Variants in POC5 observed in about 807,000 individuals in gnomAD.
The protein encoded by POC5 is centrosomal protein POC5.
In POC5, 48 loss-of-function variants were observed where a neutral mutation model predicts 62.9. The ratio of observed to expected loss-of-function variants is 0.76; its 90% CI spans 0.61 to 0.97. The LOEUF is 0.97. Among genes scored for constraint, POC5 ranks in the 50% least tolerant of loss-of-function variants. The pLI is 0.00. For synonymous variants in POC5, 236 were observed against 228.2 expected (o/e 1.03, Z -0.31); for missense variants, 696 against 679.5 (o/e 1.02, Z -0.27).
intron 9 of POC5, among the ~76,000 whole-genome samples, chr5:75,687,374 T>C (rs1349660737): frequency 6.8e-6 from 1 of 147,804 alleles, no homozygotes. Context: ...AAAGTAATTT[T>C]TTTTTCTTAT....
chr5:75,713,089 G>C, intron 1 of POC5, 138 bp from the exon 2 acceptor site: 1 of 621,104 alleles, frequency 1.6e-6, no homozygotes. Flanking sequence ...AACATATTGA[G>C]TACCTACAGG....
In POC5 at chr5:75,710,510, T is replaced by C. The variant is rs149526254; in HGVS notation, c.84+2344A>G. Among the ~76,000 whole-genome samples the C allele has an allele frequency of 3.8e-3, 579 of 152,264 alleles. 2 individuals are homozygous for C. The highest frequency in any genetic ancestry group is 6.2e-3 in the Admixed American group (95 of 15,304). ...ATCAGAAGAGACACCAGGAACCTTG[T>C]GCATGCTCTCCTCCCACCTGCACAT... On this transcript the variant is annotated intron_variant, in intron 2 of 11. Coordinates refer to ENST00000428202, the MANE Select transcript of POC5 (RefSeq NM_001099271.2).
In POC5 at chr5:75,715,309, C is replaced by CAAA. The variant is rs922297009; in HGVS notation, c.-15+1994_-15+1996dup. On this transcript the variant is annotated intron_variant, in intron 1 of 11. Coordinates refer to ENST00000428202, the MANE Select transcript of POC5 (RefSeq NM_001099271.2). ...TGGGCGACAGAGTGAGACTCCGTCTCAAAAAAAAAAAAAAAAAAAAAGAAC... is the reference window on the plus strand; with the variant it reads ...TGGGCGACAGAGTGAGACTCCGTCTCAAAAAAAAAAAAAAAAAAAAAAAAGAAC... Among the ~76,000 whole-genome samples, 93 of 59,060 alleles carry CAAA rather than the reference C, an allele frequency of 1.6e-3. 2 individuals are homozygous for CAAA. Among genetic ancestry groups the CAAA allele is most frequent in the Middle Eastern group, 0.01 (1 of 100 alleles). 38.7% of individuals were successfully genotyped at this position (59,060 alleles called of 152,430 possible). A position where few individuals can be genotyped will look rare whatever the true frequency, so the allele number is the denominator to read the frequency against.
intron 4 of POC5, 48 bp from the exon 5 acceptor site, chr5:75,702,858 C>G (rs984201210): frequency 3.5e-6 from 5 of 1,434,854 alleles, no homozygotes; most frequent in Non-Finnish European, 4.8e-6. Context: ...GAAAATAACT[C>G]AAGTTGGTAA....
At position 75,678,027 on chromosome 5, in the gene POC5, T is replaced by C. The variant is rs1363521515; in HGVS notation, c.1408-77A>G. 5.0e-6 allele frequency: 6 copies of C among 1,194,758 alleles called. No individual in the cohort carries two copies. The South Asian group carries it at 6.0e-5, about 12-fold the overall frequency. The allele number at this position is 1,194,758 out of a possible 1,614,324, so 74.0% of individuals were successfully genotyped here. On this transcript the variant is annotated intron_variant, in intron 10 of 11. Transcript: ENST00000428202. ...CAAAATCTATTGATTCCATAAATTATGAAGAATACACAGGCACTTAAAATA... is the reference window on the plus strand; with the variant it reads ...CAAAATCTATTGATTCCATAAATTACGAAGAATACACAGGCACTTAAAATA...
intron 10 of POC5, 104 bp from the exon 11 acceptor site, chr5:75,678,054 C>T (rs2303647): frequency 0.13 from 121,585 of 925,780 alleles, 13,031 homozygotes; most frequent in African/African-American, 0.43. Context: ...CTTAAAATAA[C>T]TGTATGTTCA....
chr5:75,688,969 CTT>C (rs748310124), intron 9 of POC5, 41 bp downstream of exon 9: 9 of 1,484,850 alleles, frequency 6.1e-6, no homozygotes, highest in Non-Finnish European at 8.1e-6. Context: ...CTCCTCAAAT[CTT>C]TTTTTGAAAT....
At chr5:75,696,674 C>T (rs893695110) in intron 5 of POC5, among the ~76,000 whole-genome samples, 1 of 152,224 alleles carries the variant, frequency 6.6e-6, no homozygotes, top group Non-Finnish European at 1.5e-5. Flanking sequence ...CAAAGGATCG[C>T]AGTTCCTCAC....
chr5:75,689,362 C>G (rs1454673227), intron 8 of POC5, 197 bp from the exon 9 acceptor site: 2 of 984,680 alleles, frequency 2.0e-6, no homozygotes, highest in Non-Finnish European at 2.4e-6. Context: ...GCTTTCATTC[C>G]TAACCTTAAA....
At chr5:75,703,691 AGTTTTGCAGATACTCT>A (rs1776996659) in intron 4 of POC5, among the ~76,000 whole-genome samples, 1 of 152,174 alleles carries the variant, frequency 6.6e-6, no homozygotes. Context: ...CTCATAATTT[AGTTTTGCAGATACTCT>A]GTTGTTAAGT....
At chr5:75,677,668 GT>G in intron 11 of POC5, 105 bp downstream of exon 11, 1 of 834,062 alleles carries the variant, frequency 1.2e-6, no homozygotes. Context: ...ACAAGTACCA[GT>G]CATCATAAAT....
At chr5:75,676,195 C>T (rs1049913960) in intron 11 of POC5, among the ~76,000 whole-genome samples, 2 of 152,220 alleles carry the variant, frequency 1.3e-5, no homozygotes, top group Admixed American at 1.3e-4. Context: ...CACACATGTG[C>T]TCTCTTTACA....
intron 11 of POC5, among the ~76,000 whole-genome samples, chr5:75,676,571 T>G (rs1775662475): frequency 1.3e-5 from 2 of 152,172 alleles, no homozygotes; most frequent in Admixed American, 1.3e-4. Context: ...TTAAAATCAT[T>G]CCATATACTT....
intron 5 of POC5, among the ~76,000 whole-genome samples, chr5:75,697,512 T>C (rs1378349060): frequency 6.6e-6 from 1 of 150,796 alleles, no homozygotes; most frequent in Non-Finnish European, 1.5e-5. Context: ...AGCTGAGAGA[T>C]TTTGTCACCA....
Position 75,697,360 on chromosome 5 carries a change from A to G in POC5, c.514-2529T>C, listed in dbSNP as rs575387547. 1.1e-3 allele frequency among the ~76,000 whole-genome samples: 174 copies of G among 152,094 alleles called. 2 individuals are homozygous for G. The East Asian group carries it at 0.029, about 25-fold the overall frequency. ...CCATCAGACTAACAGCTGATCTCTC[A>G]GCAGAAACTCTACAAGCCAGAAGAG... On this transcript the variant is annotated intron_variant, in intron 5 of 11. Transcript: ENST00000428202.
chr5:75,677,354 AC>A (rs1304856163), intron 11 of POC5, among the ~76,000 whole-genome samples: 1 of 152,204 alleles, frequency 6.6e-6, no homozygotes, highest in Non-Finnish European at 1.5e-5. Context: ...TTAAAAAAGG[AC>A]CAAAAATTAA....
At position 75,690,334 on chromosome 5, in the gene POC5, A is replaced by G. The variant is rs1441438479; in HGVS notation, c.975+49T>C. 3 of 1,481,546 alleles carry G rather than the reference A, an allele frequency of 2.0e-6. No individual in the cohort carries two copies. In the South Asian group the frequency reaches 4.0e-5, roughly 20 times the overall value. 91.8% of individuals were successfully genotyped at this position (1,481,546 alleles called of 1,614,324 possible). A position where few individuals can be genotyped will look rare whatever the true frequency, so the allele number is the denominator to read the frequency against. On this transcript the variant is annotated intron_variant, in intron 8 of 11. Transcript: ENST00000428202. The stretch of plus-strand genomic sequence containing the variant: ...CTATTAATTAATAGTGAGTCTATCT[A>G]TCTTTTTATTGTATTAGAAGAAAGT...
chr5:75,710,177 G>A (rs766776166), intron 2 of POC5, among the ~76,000 whole-genome samples: 4 of 152,160 alleles, frequency 2.6e-5, no homozygotes, highest in Middle Eastern at 3.2e-3. Flanking sequence ...TCAGGACTAC[G>A]TATCAGCTCA....
chr5:75,709,490 A>AT (rs1214003158), intron 2 of POC5: 4 of 148,152 alleles, frequency 2.7e-5, no homozygotes, highest in South Asian at 4.5e-4. Context: ...TAAAAAAATT[A>AT]TTAAAAAATT....
Sources: allele counts gnomAD v4.1 joint callset (sites outside exome capture counted in the v4.1 genomes callset), GRCh38; gene constraint gnomAD v4.1.1; transcripts MANE v1.5; gene names NCBI Gene and HGNC (gene_info 2026-07-23, HGNC 2026-07-21).